The following FGF14 variants were observed in gnomAD, a reference collection of about 807,000 sequenced individuals.
FGF14 encodes the protein fibroblast growth factor 14, also known as fibroblast growth factor homologous factor 4.
In FGF14, 5 loss-of-function variants were observed where a neutral mutation model predicts 25.5. The ratio of observed to expected loss-of-function variants is 0.20; its 90% CI spans 0.10 to 0.41. The LOEUF is 0.41. Among genes scored for constraint, FGF14 ranks in the 10% least tolerant of loss-of-function variants. The pLI, the probability that FGF14 is intolerant of heterozygous loss-of-function variation, is 1.00. For missense variants in FGF14, 222 were observed against 320.1 expected (o/e 0.69, Z 2.34); for synonymous variants, 138 against 118.3 (o/e 1.17, Z -1.08).
intron 1 of FGF14, among the ~76,000 whole-genome samples, chr13:101,889,668 C>T (rs1173398140): frequency 1.3e-5 from 2 of 152,170 alleles, no homozygotes; most frequent in South Asian, 2.1e-4. Flanking sequence ...GGGAACTTCA[C>T]GATGTACTTT....
intron 3 of FGF14, among the ~76,000 whole-genome samples, chr13:101,825,664 A>T (rs2042362467): frequency 6.6e-6 from 1 of 152,188 alleles, no homozygotes. Flanking sequence ...ATTAGAATGC[A>T]TTATGTATCA....
At chr13:102,171,445 G>C (rs897479859) in intron 1 of FGF14, among the ~76,000 whole-genome samples, 55 of 152,056 alleles carry the variant, frequency 3.6e-4, no homozygotes, top group Non-Finnish European at 7.9e-4. Context: ...TCTTCATCTA[G>C]GTATAAAAGG....
In FGF14 at chr13:101,715,338, T is replaced by C. The variant is rs1313563295; in HGVS notation, c.*7493A>G. On this transcript the variant is annotated 3_prime_UTR_variant, in exon 5 of 5. Coordinates refer to ENST00000376143, the MANE Select transcript of FGF14 (RefSeq NM_004115.4). The stretch of plus-strand genomic sequence containing the variant: ...CTGGAGTGATACAGGATGGTGACTA[T>C]CTGATCGGTAAAGGGTGGCACCAAA... 3.3e-5 allele frequency: 17 copies of C among 508,856 alleles called. No homozygotes were observed. The Admixed American group carries it at 5.4e-4, about 16-fold the overall frequency. 31.5% of individuals were successfully genotyped at this position (508,856 alleles called of 1,614,324 possible). A position where few individuals can be genotyped will look rare whatever the true frequency, so the allele number is the denominator to read the frequency against.
chr13:101,754,948 TG>T (rs1162686486), intron 3 of FGF14, among the ~76,000 whole-genome samples: 9 of 152,112 alleles, frequency 5.9e-5, no homozygotes. Flanking sequence ...CTAACAGAAA[TG>T]GAAGTTAAAT....
chr13:102,241,239 T>A (rs146876647), intron 1 of FGF14, among the ~76,000 whole-genome samples: 1 of 152,172 alleles, frequency 6.6e-6, no homozygotes, highest in African/African-American at 2.4e-5. Flanking sequence ...TCCTGGTGAT[T>A]TTTTTCCCCT....
chr13:102,304,107 A>G (rs1237619941), intron 1 of FGF14, among the ~76,000 whole-genome samples: 3 of 152,098 alleles, frequency 2.0e-5, no homozygotes, highest in South Asian at 4.1e-4. Flanking sequence ...CATCATCATC[A>G]TCATCATCAT....
chr13:102,095,605 T>C (rs1391115083), intron 1 of FGF14, among the ~76,000 whole-genome samples: 1 of 152,178 alleles, frequency 6.6e-6, no homozygotes, highest in Non-Finnish European at 1.5e-5. Context: ...CTCTGTCACC[T>C]ATAAGACAGC....
intron 1 of FGF14, among the ~76,000 whole-genome samples, chr13:102,078,596 G>C (rs773387098): frequency 2.0e-5 from 3 of 152,190 alleles, no homozygotes; most frequent in Non-Finnish European, 4.4e-5. Context: ...ATCAGGGGAG[G>C]CTTCTCATCC....
At chr13:101,770,063 C>T (rs958137304) in intron 3 of FGF14, among the ~76,000 whole-genome samples, 1 of 152,046 alleles carries the variant, frequency 6.6e-6, no homozygotes, top group Non-Finnish European at 1.5e-5. Flanking sequence ...GGGCAAGGGG[C>T]ATAAGGGGAA....
chr13:102,207,154 C>A (rs2049962008), intron 1 of FGF14, among the ~76,000 whole-genome samples: 1 of 152,010 alleles, frequency 6.6e-6, no homozygotes, highest in Admixed American at 6.5e-5. Flanking sequence ...GTGGCACATG[C>A]CTGTAATACC....
intron 3 of FGF14, among the ~76,000 whole-genome samples, chr13:101,728,823 G>GTA (rs2035614853): frequency 6.6e-6 from 1 of 152,072 alleles, no homozygotes; most frequent in Non-Finnish European, 1.5e-5. Context: ...CCCAGAACCT[G>GTA]GCTCACTGAT....
chr13:101,877,582 G>A (rs907436790), intron 1 of FGF14, among the ~76,000 whole-genome samples: 3 of 152,148 alleles, frequency 2.0e-5, no homozygotes, highest in African/African-American at 4.8e-5. Context: ...GCCTGTACAA[G>A]CGGAATAATT....
intron 1 of FGF14, among the ~76,000 whole-genome samples, chr13:102,080,686 C>T (rs961389981): frequency 2.6e-5 from 4 of 152,230 alleles, no homozygotes; most frequent in Non-Finnish European, 1.5e-5. Flanking sequence ...TTTGTCTACA[C>T]AGCCTCTCTT....
chr13:102,286,612 G>A lies in FGF14; in HGVS notation c.208+114859C>T, dbSNP rs113345496. 2.9e-3 allele frequency among the ~76,000 whole-genome samples: 436 copies of A among 152,198 alleles called. 3 individuals carry two copies. Among genetic ancestry groups the A allele is most frequent in the African/African-American group, 1.0e-2 (414 of 41,522 alleles). ...GGGTACTTGTTAAATAAATGTATCCGTGAATGTCATAACTTCCATCAACCC... is the reference window on the plus strand; with the variant it reads ...GGGTACTTGTTAAATAAATGTATCCATGAATGTCATAACTTCCATCAACCC... On this transcript the variant is annotated intron_variant, in intron 1 of 4. Coordinates refer to the FGF14 transcript ENST00000376131.
At chr13:102,160,468 C>T (rs1027965611) in intron 1 of FGF14, among the ~76,000 whole-genome samples, 1 of 152,140 alleles carries the variant, frequency 6.6e-6, no homozygotes, top group Admixed American at 6.6e-5. Context: ...TCTCACACAC[C>T]CGGCTCTCTG....
At chr13:101,886,958 A>T (rs1438114330) in intron 1 of FGF14, among the ~76,000 whole-genome samples, 1 of 152,112 alleles carries the variant, frequency 6.6e-6, no homozygotes, top group Non-Finnish European at 1.5e-5. Flanking sequence ...AGCATCACTA[A>T]TCACCAGAAA....
intron 1 of FGF14, among the ~76,000 whole-genome samples, chr13:102,046,846 G>A (rs525508): frequency 0.034 from 5,179 of 152,158 alleles, 273 homozygotes; most frequent in African/African-American, 0.12. Flanking sequence ...TGATAATTTA[G>A]TTTAGAATAA....
intron 1 of FGF14, among the ~76,000 whole-genome samples, chr13:102,060,919 A>G (rs1283204329): frequency 6.6e-6 from 1 of 152,188 alleles, no homozygotes; most frequent in Non-Finnish European, 1.5e-5. Flanking sequence ...CCAGATGTCA[A>G]GAAGAACACA....
chr13:102,050,207 A>T (rs935176912), intron 1 of FGF14, among the ~76,000 whole-genome samples: 1 of 152,214 alleles, frequency 6.6e-6, no homozygotes, highest in African/African-American at 2.4e-5. Context: ...AATTTCTAGG[A>T]TGTACTTATC....
Sources: gnomAD v4.1 joint callset for allele counts (sites outside exome capture counted in the v4.1 genomes callset) on GRCh38, gnomAD v4.1.1 for gene constraint, MANE v1.5 for transcripts, NCBI Gene and HGNC (gene_info 2026-07-23, HGNC 2026-07-21) for gene names.